The following RIOX2 variants were observed in gnomAD, a reference collection of about 807,000 sequenced individuals.
The protein encoded by RIOX2 is 60S ribosomal protein L27a histidine hydroxylase.
RIOX2 carries 43 observed loss-of-function variants against 51.2 expected under a neutral mutation model. The ratio of observed to expected loss-of-function variants is 0.84; its 90% CI spans 0.66 to 1.08. The LOEUF is 1.08. RIOX2 is among the 50% of genes least tolerant of loss of function. The probability of loss-of-function intolerance (pLI) is 0.00; values close to 1 mark genes in which losing one functional copy is unlikely to be tolerated. For missense variants in RIOX2, 566 were observed against 561.7 expected, an observed-to-expected ratio of 1.01 and a Z score of -0.08; for synonymous variants, 226 against 218.5, an observed-to-expected ratio of 1.03 and a Z score of -0.30.
At chr3:97,970,783 A>G (rs1418540754) in intron 1 of RIOX2, among the ~76,000 whole-genome samples, 1 of 152,234 alleles carries the variant, frequency 6.6e-6, no homozygotes, top group African/African-American at 2.4e-5. Context: ...ACTACCCCAC[A>G]GATAAACCCT....
In RIOX2 at chr3:97,949,843, C is replaced by T. The variant is rs376480040; in HGVS notation, c.1060+1G>A. 17 of 1,613,170 alleles carry T rather than the reference C, an allele frequency of 1.1e-5. No individual in the cohort carries two copies. The highest frequency in any genetic ancestry group is 1.4e-5 in the Non-Finnish European group (17 of 1,179,682). ...ACCCAGAAGAAAACAGCAAGCTCCA[C>T]CTGGTGTTGACAGCTCTGCCCCATC... On this transcript the variant is annotated splice_donor_variant, in intron 7 of 9. Transcript: ENST00000394198. LOFTEE classifies it high-confidence loss of function.
chr3:97,967,584 T>C lies in RIOX2; in HGVS notation c.10A>G (p.Lys4Glu), dbSNP rs937432325. The C allele has an allele frequency of 1.9e-6, 3 of 1,579,974 alleles. No homozygotes were observed. The highest frequency in any genetic ancestry group is 2.6e-6 in the Non-Finnish European group (3 of 1,167,446). MPKKAKPTGSGKEE... is the reference protein window; with the variant it reads MPKEAKPTGSGKEE... ...TTCCCACTCCCTGTAGGCTTTGCTT[T>C]CTTTGGCATCGTTCTGTCTTCAAGA... The change falls in exon 2 of 10, where the codon AAA becomes GAA. Residue 4 changes from lysine (K) to glutamate (E), a missense_variant. Coordinates refer to ENST00000394198, the MANE Select transcript of RIOX2 (RefSeq NM_153182.4).
In RIOX2 at chr3:97,945,853, TGATA is replaced by T; in HGVS notation, c.1180_1183del (p.Tyr394IlefsTer3). 1 of 1,610,730 alleles carries T rather than the reference TGATA, an allele frequency of 6.2e-7. No homozygotes were observed. The highest frequency in any genetic ancestry group is 1.1e-5 in the South Asian group (1 of 90,938). On this transcript the variant is annotated frameshift_variant, in exon 9 of 10. Transcript: ENST00000394198. LOFTEE classifies it high-confidence loss of function. Reference sequence around the variant, plus strand: ...TGTCTCTCTACTATTCTTTAAGGAATGATAGATGTACACCATCTTTTCTTGAGCT... The same window carrying T: ...TGTCTCTCTACTATTCTTTAAGGAATGATGTACACCATCTTTTCTTGAGCT...
chr3:97,945,075 G>T lies in RIOX2; in HGVS notation c.*109C>A. 1.0e-6 allele frequency: 1 copy of T among 974,708 alleles called. No homozygotes were observed. The highest frequency in any genetic ancestry group is 1.5e-6 in the Non-Finnish European group (1 of 682,840). The allele number at this position is 974,708 out of a possible 1,614,324, so 60.4% of individuals were successfully genotyped here. ...TAACAGGGAGGTCTCATGTTTGTTA[G>T]TAGATACGCAGGTAAGGAAACTTGA... On this transcript the variant is annotated 3_prime_UTR_variant, in exon 10 of 10. Transcript: ENST00000394198.
At chr3:97,959,304 A>G (rs1390016512) in intron 3 of RIOX2, 125 bp from the exon 4 acceptor site, 5 of 425,122 alleles carry the variant, frequency 1.2e-5, no homozygotes, top group Admixed American at 1.1e-4. Context: ...TGAACAACAC[A>G]GGTTTTTTTT....
chr3:97,952,243 T>C, intron 5 of RIOX2: 1 of 1,289,534 alleles, frequency 7.8e-7, no homozygotes, highest in South Asian at 1.2e-5. Flanking sequence ...TCATTCTAGC[T>C]CCAGCATCAC....
chr3:97,945,795 AACCTCTGTT>A lies in RIOX2; in HGVS notation c.1233_1239+2del. The A allele has an allele frequency of 6.2e-7, 1 of 1,602,896 alleles. No individual in the cohort carries two copies. On this transcript the variant is annotated splice_donor_variant and coding_sequence_variant, in exon 9 of 10. Coordinates refer to ENST00000394198, the MANE Select transcript of RIOX2 (RefSeq NM_153182.4). LOFTEE classifies it high-confidence loss of function. ...TAGGCATTTGTTTTCAGTTGAAACAAACCTCTGTTTCCTCCTCATTTCCCATCATGTGTG... is the reference window on the plus strand; with the variant it reads ...TAGGCATTTGTTTTCAGTTGAAACAATCCTCCTCATTTCCCATCATGTGTG...
intron 4 of RIOX2, 103 bp downstream of exon 4, chr3:97,958,948 G>A (rs1348271224): frequency 7.8e-7 from 1 of 1,284,890 alleles, no homozygotes; most frequent in Non-Finnish European, 1.0e-6. Context: ...ATTCCCACGG[G>A]GACCATCACA....
intron 8 of RIOX2, 131 bp downstream of exon 8, chr3:97,947,230 G>T: frequency 1.4e-6 from 1 of 698,498 alleles, no homozygotes; most frequent in South Asian, 1.8e-5. Context: ...CTGACCTGAA[G>T]AAATGGCATT....
chr3:97,947,310 G>A, intron 8 of RIOX2, 51 bp downstream of exon 8: 2 of 1,451,758 alleles, frequency 1.4e-6, no homozygotes, highest in Admixed American at 3.4e-5. Flanking sequence ...TGAGGCCTCT[G>A]ATGAAAAACA....
At position 97,954,064 on chromosome 3, in the gene RIOX2, AAAAG is replaced by A. The variant is rs570031722; in HGVS notation, c.785+324_785+327del. 368 of 225,974 alleles carry A rather than the reference AAAAG, an allele frequency of 1.6e-3. 2 individuals are homozygous for A. The highest frequency in any genetic ancestry group is 3.2e-3 in the South Asian group (27 of 8,570). The allele number at this position is 225,974 out of a possible 1,614,324, so 14.0% of individuals were successfully genotyped here. A position where few individuals can be genotyped will look rare whatever the true frequency, so the allele number is the denominator to read the frequency against. ...TCTATATATTTTATCATATTAAAAA[AAAAG>A]AGAGAGAGTATGAGCCCAGCCTGGC... is the stretch of plus-strand genomic sequence containing the variant. On this transcript the variant is annotated intron_variant, in intron 5 of 9. Coordinates refer to ENST00000394198, the MANE Select transcript of RIOX2 (RefSeq NM_153182.4).
chr3:97,964,607 G>T (rs1705807469), intron 2 of RIOX2, among the ~76,000 whole-genome samples: 1 of 146,450 alleles, frequency 6.8e-6, no homozygotes. Context: ...CAAGGCAGGA[G>T]AATTGCTTGA....
intron 1 of RIOX2, among the ~76,000 whole-genome samples, chr3:97,968,770 TAAGG>T (rs1239499730): frequency 6.6e-6 from 1 of 152,238 alleles, no homozygotes; most frequent in African/African-American, 2.4e-5. Context: ...AACAGATTCT[TAAGG>T]AAGTCCCTAT....
chr3:97,969,150 T>C (rs1207982527), intron 1 of RIOX2, among the ~76,000 whole-genome samples: 1 of 151,892 alleles, frequency 6.6e-6, no homozygotes, highest in Non-Finnish European at 1.5e-5. Context: ...GTGCTTTTGA[T>C]AAGGAAACAC....
chr3:97,944,006 T>G lies in RIOX2; in HGVS notation c.*1178A>C, dbSNP rs2040293565. The G allele has an allele frequency of 6.6e-6, 1 of 151,914 alleles. No individual in the cohort carries two copies. The highest frequency in any genetic ancestry group is 2.1e-4 in the South Asian group (1 of 4,820). The allele number at this position is 151,914 out of a possible 1,614,324, so 9.4% of individuals were successfully genotyped here. On this transcript the variant is annotated 3_prime_UTR_variant, in exon 10 of 10. Transcript: ENST00000394198. ...AAATAACCTATGGCCAAACTTGCAC[T>G]GTTACGTGTTAACCAAGACATCCCT...
At chr3:97,964,830 T>G (rs999111565) in intron 2 of RIOX2, among the ~76,000 whole-genome samples, 2 of 145,142 alleles carry the variant, frequency 1.4e-5, no homozygotes, top group African/African-American at 4.9e-5. Context: ...TCTAGCCTGC[T>G]AAGCAAAATG....
chr3:97,971,481 TCAGAGATATGTTAATCAATC>T (rs1706128883), intron 1 of RIOX2: 1 of 152,222 alleles, frequency 6.6e-6, no homozygotes, highest in Non-Finnish European at 1.5e-5. Context: ...TCTTTTTGGC[TCAGAGATATGTTAATCAATC>T]CAGAGGGAAA....
chr3:97,963,243 C>T (rs1705751511), intron 2 of RIOX2, among the ~76,000 whole-genome samples: 1 of 152,194 alleles, frequency 6.6e-6, no homozygotes, highest in Non-Finnish European at 1.5e-5. Flanking sequence ...CCCATCTCAA[C>T]CTCCCAAGTA....
At position 97,943,363 on chromosome 3, in the gene RIOX2, C is replaced by T. The variant is rs571150352; in HGVS notation, c.*1821G>A. 5.3e-5 allele frequency: 56 copies of T among 1,047,218 alleles called. No homozygotes were observed. In the South Asian group the frequency reaches 6.9e-4, roughly 13 times the overall value. The allele number at this position is 1,047,218 out of a possible 1,614,324, so 64.9% of individuals were successfully genotyped here. A position where few individuals can be genotyped will look rare whatever the true frequency, so the allele number is the denominator to read the frequency against. ...TCCCTAGAAAGAGCAAAGAAGGAAACACATCTGTCATTGTCTTGTGGACGT... is the reference window on the plus strand; with the variant it reads ...TCCCTAGAAAGAGCAAAGAAGGAAATACATCTGTCATTGTCTTGTGGACGT... On this transcript the variant is annotated 3_prime_UTR_variant, in exon 10 of 10. Coordinates refer to ENST00000394198, the MANE Select transcript of RIOX2 (RefSeq NM_153182.4).
Sources: allele counts gnomAD v4.1 joint callset (sites outside exome capture counted in the v4.1 genomes callset), GRCh38; gene constraint gnomAD v4.1.1; transcripts MANE v1.5; gene names NCBI Gene and HGNC (gene_info 2026-07-23, HGNC 2026-07-21).